The following WDR27 variants were observed in gnomAD, a reference collection of about 807,000 sequenced individuals.
WDR27 encodes WD repeat domain 27.
Under a neutral mutation model 114.4 loss-of-function variants are expected in WDR27, and 100 were observed. The observed-to-expected ratio is 0.87, with a 90% CI of 0.74 to 1.03. WDR27 has a LOEUF of 1.03. WDR27 is among the 50% of genes least tolerant of loss of function. The pLI, the probability that WDR27 is intolerant of heterozygous loss-of-function variation, is 0.00. For synonymous variants in WDR27, 449 were observed against 423.1 expected, an observed-to-expected ratio of 1.06 and a Z score of -0.75; for missense variants, 1,129 against 1,092.9, an observed-to-expected ratio of 1.03 and a Z score of -0.47.
At chr6:169,539,625 C>T (rs919151916) in intron 25 of WDR27, among the ~76,000 whole-genome samples, 4 of 152,202 alleles carry the variant, frequency 2.6e-5, no homozygotes, top group Non-Finnish European at 4.4e-5. Flanking sequence ...CCTCCCCACT[C>T]ACAAGCCTGT....
At chr6:169,689,855 C>T (rs1483490035) in intron 1 of WDR27, among the ~76,000 whole-genome samples, 2 of 152,218 alleles carry the variant, frequency 1.3e-5, no homozygotes, top group Non-Finnish European at 2.9e-5. Context: ...TATTCAAAGG[C>T]CCACCCATGA....
At chr6:169,428,260 C>T in the WDR27 span, among the ~76,000 whole-genome samples, 2 of 152,158 alleles carry the variant, frequency 1.3e-5, no homozygotes, top group Non-Finnish European at 2.9e-5. Context: ...TTTGTCTTCT[C>T]TGAGGTCTTT....
chr6:169,663,468 G>C (rs1355292928), intron 8 of WDR27: 3 of 152,256 alleles, frequency 2.0e-5, no homozygotes, highest in African/African-American at 7.2e-5. Context: ...ACACACCAAT[G>C]AAAGAGGTGG....
the WDR27 span, among the ~76,000 whole-genome samples, chr6:169,430,309 C>T: frequency 6.6e-6 from 1 of 152,312 alleles, no homozygotes; most frequent in African/African-American, 2.4e-5. Context: ...ACAGGCCCCA[C>T]AGTGTAGTAG....
intron 16 of WDR27, among the ~76,000 whole-genome samples, chr6:169,646,685 T>C (rs1057138246): frequency 4.0e-5 from 6 of 151,376 alleles, no homozygotes; most frequent in Admixed American, 2.6e-4. Context: ...GAGGCGGAGA[T>C]TGCAGTGAGC....
At chr6:169,600,068 G>A (rs1380476686) in intron 23 of WDR27, among the ~76,000 whole-genome samples, 8 of 152,072 alleles carry the variant, frequency 5.3e-5, no homozygotes, top group African/African-American at 1.4e-4. Flanking sequence ...GTAGTTGAGC[G>A]GTTTTGAGTG....
At chr6:169,476,350 C>G (rs1562466316) in intron 25 of WDR27, among the ~76,000 whole-genome samples, 1 of 152,178 alleles carries the variant, frequency 6.6e-6, no homozygotes, top group Non-Finnish European at 1.5e-5. Context: ...GTTAAAAGAA[C>G]CTGCTCTCCA....
chr6:169,695,649 G>A (rs572617544), intron 1 of WDR27, among the ~76,000 whole-genome samples: 26 of 152,048 alleles, frequency 1.7e-4, no homozygotes, highest in Non-Finnish European at 2.9e-4. Flanking sequence ...TAAATACCCC[G>A]GGGCACGGTG....
intron 25 of WDR27, among the ~76,000 whole-genome samples, chr6:169,490,910 A>G (rs1052896543): frequency 1.3e-5 from 2 of 152,154 alleles, no homozygotes; most frequent in African/African-American, 4.8e-5. Context: ...TAACAGGCCC[A>G]AAGCTGGACT....
At chr6:169,664,680 A>C in intron 7 of WDR27, 1 of 1,016,740 alleles carries the variant, frequency 9.8e-7, no homozygotes, top group Non-Finnish European at 1.2e-6. Flanking sequence ...CAAAAGGAAA[A>C]AAAAAATCTA....
intron 25 of WDR27, among the ~76,000 whole-genome samples, chr6:169,498,870 G>T (rs1363427856): frequency 6.6e-6 from 1 of 152,240 alleles, no homozygotes; most frequent in South Asian, 2.1e-4. Context: ...AGGGACCTGT[G>T]TGAGGATTGT....
intron 25 of WDR27, among the ~76,000 whole-genome samples, chr6:169,535,805 C>A (rs1394437226): frequency 6.6e-6 from 1 of 152,198 alleles, no homozygotes; most frequent in East Asian, 1.9e-4. Context: ...ACAGGTTTCT[C>A]ACCAGATCTG....
chr6:169,640,888 C>T (rs1231207763), intron 17 of WDR27, among the ~76,000 whole-genome samples: 3 of 152,242 alleles, frequency 2.0e-5, no homozygotes. Flanking sequence ...CATGCTCTTC[C>T]TTCTTAGTGA....
At position 169,656,966 on chromosome 6, in the gene WDR27, C is replaced by G. The variant is rs527822977; in HGVS notation, c.1402+1310G>C. 5.8e-3 allele frequency among the ~76,000 whole-genome samples: 889 copies of G among 152,280 alleles called. 15 individuals are homozygous for G. Among genetic ancestry groups the G allele is most frequent in the African/African-American group, 0.02 (829 of 41,544 alleles). The stretch of plus-strand genomic sequence containing the variant: ...TGCTGGCTGAGCCTGGCCGCCTCCC[C>G]CCGGCCTTCATTCTCACAATTTCTC... On this transcript the variant is annotated intron_variant, in intron 13 of 25. Coordinates refer to ENST00000448612, the MANE Select transcript of WDR27 (RefSeq NM_182552.5).
chr6:169,649,290 C>T lies in WDR27; in HGVS notation c.1482-15G>A. ...ACATAGTTACACTGTGGAAAGAAAA[C>T]TCTAATATCACTCTCAAATATTAAG... On this transcript the variant is annotated splice_polypyrimidine_tract_variant and intron_variant, in intron 14 of 25. Transcript: ENST00000448612. 1 of 1,552,988 alleles carries T rather than the reference C, an allele frequency of 6.4e-7. No homozygotes were observed. Among genetic ancestry groups the T allele is most frequent in the Non-Finnish European group, 8.7e-7 (1 of 1,144,880 alleles).
At chr6:169,570,423 A>T (rs1801190553) in intron 25 of WDR27, among the ~76,000 whole-genome samples, 1 of 152,230 alleles carries the variant, frequency 6.6e-6, no homozygotes, top group Non-Finnish European at 1.5e-5. Context: ...AGGACACGAG[A>T]CCAGCAGTGT....
At chr6:169,514,397 T>C (rs1244787264) in intron 25 of WDR27, among the ~76,000 whole-genome samples, 3 of 150,054 alleles carry the variant, frequency 2.0e-5, no homozygotes, top group Non-Finnish European at 3.0e-5. Context: ...TCTTATCAAA[T>C]GTAGAAATTT....
intron 25 of WDR27, among the ~76,000 whole-genome samples, chr6:169,466,671 CA>C (rs1308811564): frequency 6.6e-6 from 1 of 152,104 alleles, no homozygotes; most frequent in Non-Finnish European, 1.5e-5. Context: ...ATGATCCAAT[CA>C]CCTCCCACCA....
intron 25 of WDR27, among the ~76,000 whole-genome samples, chr6:169,462,364 G>C (rs1785009506): frequency 6.6e-6 from 1 of 152,060 alleles, no homozygotes; most frequent in Non-Finnish European, 1.5e-5. Flanking sequence ...TTGAACCTGG[G>C]AGGTGGAGGC....
Sources: gnomAD v4.1 joint callset for allele counts (sites outside exome capture counted in the v4.1 genomes callset) on GRCh38, gnomAD v4.1.1 for gene constraint, MANE v1.5 for transcripts, NCBI Gene and HGNC (gene_info 2026-07-23, HGNC 2026-07-21) for gene names.